The following PGBD2 variants were observed in gnomAD, a reference collection of about 807,000 sequenced individuals.
PGBD2 encodes the protein piggyBac transposable element-derived protein 2.
PGBD2 carries 6 observed loss-of-function variants against 8.1 expected under a neutral mutation model. That is an observed-to-expected ratio of 0.74 (90% CI 0.40 to 1.46). PGBD2 has a LOEUF of 1.46. PGBD2 is among the 40% of genes most tolerant of loss of function. PGBD2 has a pLI of 0.02. For missense variants in PGBD2, 802 were observed against 739.0 expected (o/e 1.09, Z -0.99); for synonymous variants, 318 against 272.2 (o/e 1.17, Z -1.66).
chr1:248,926,922 G>A, the PGBD2 span, among the ~76,000 whole-genome samples: 1 of 152,164 alleles, frequency 6.6e-6, no homozygotes, highest in African/African-American at 2.4e-5. Flanking sequence ...TCACCAGCTG[G>A]TTACTGCTAC....
the PGBD2 span, among the ~76,000 whole-genome samples, chr1:248,892,703 G>T: frequency 6.6e-6 from 1 of 152,134 alleles, no homozygotes; most frequent in African/African-American, 2.4e-5. Context: ...GGAATATCCT[G>T]CCTGATAAAA....
chr1:248,912,630 C>T (rs1661937747), intron 1 of PGBD2: 1 of 151,996 alleles, frequency 6.6e-6, no homozygotes, highest in African/African-American at 2.4e-5. Context: ...CATCCATGTC[C>T]CCACCTCCCA....
At chr1:248,881,243 A>T in the PGBD2 span, among the ~76,000 whole-genome samples, 1 of 152,158 alleles carries the variant, frequency 6.6e-6, no homozygotes, top group East Asian at 1.9e-4. Context: ...ACCATCCAGG[A>T]GTCCCTGTAT....
chr1:248,913,093 C>T lies in PGBD2; in HGVS notation c.-47-723C>T, dbSNP rs1262936066. ...CTGGGATTACAGGTGTGAGCCACCG[C>T]GCCTGGCCAGAGCACTCAGATTTTA... On this transcript the variant is annotated intron_variant, in intron 1 of 2. Coordinates refer to ENST00000329291, the MANE Select transcript of PGBD2 (RefSeq NM_170725.3). Among the ~76,000 whole-genome samples, 8 of 152,136 alleles carry T rather than the reference C, an allele frequency of 5.3e-5. No homozygotes were observed. The East Asian group carries it at 5.8e-4, about 11-fold the overall frequency.
chr1:248,906,439 A>T (rs1661640219), intron 1 of PGBD2, 97 bp downstream of exon 1: 1 of 151,786 alleles, frequency 6.6e-6, no homozygotes, highest in Non-Finnish European at 1.5e-5. Flanking sequence ...GCATCCGAGG[A>T]GTTCGTCCTC....
intron 1 of PGBD2, among the ~76,000 whole-genome samples, chr1:248,908,671 A>G (rs1281349193): frequency 7.0e-6 from 1 of 142,150 alleles, no homozygotes. Context: ...TCCTTCTGTT[A>G]TGCTCTTCCT....
At chr1:248,875,308 C>CAAAAAAAAAAAAAAAAAAAAAAAAA in the PGBD2 span, among the ~76,000 whole-genome samples, 1 of 110,246 alleles carries the variant, frequency 9.1e-6, no homozygotes, top group African/African-American at 3.3e-5. Context: ...AAAAACAAAA[C>CAAAAAAAAAAAAAAAAAAAAAAAAA]AAAAAAAAAA....
At chr1:248,902,879 A>C (rs1320426120), upstream of PGBD2, among the ~76,000 whole-genome samples, 1 of 152,156 alleles carries the variant, frequency 6.6e-6, no homozygotes, top group Admixed American at 6.5e-5. Flanking sequence ...GGGGAGGGAG[A>C]GCATCAGGAA....
chr1:248,899,659 C>A, the PGBD2 span, among the ~76,000 whole-genome samples: 1 of 151,710 alleles, frequency 6.6e-6, no homozygotes, highest in Non-Finnish European at 1.5e-5. Flanking sequence ...CAAGTCAATA[C>A]CCTAACATCA....
At chr1:248,886,350 T>C in the PGBD2 span, among the ~76,000 whole-genome samples, 45 of 152,354 alleles carry the variant, frequency 3.0e-4, no homozygotes, top group East Asian at 8.3e-3. Context: ...AAATGAGTTC[T>C]CACCTCTGGG....
chr1:248,906,845 CTT>C (rs1375062803), intron 1 of PGBD2, among the ~76,000 whole-genome samples: 1 of 152,036 alleles, frequency 6.6e-6, no homozygotes, highest in Non-Finnish European at 1.5e-5. Context: ...CCTTCTTTCT[CTT>C]TTGCTAGTGA....
the PGBD2 span, among the ~76,000 whole-genome samples, chr1:248,880,953 C>G: frequency 3.6e-4 from 55 of 152,030 alleles, no homozygotes; most frequent in African/African-American, 1.2e-3. Context: ...GATGTTATCT[C>G]TGTATAATAT....
downstream of PGBD2, among the ~76,000 whole-genome samples, chr1:248,924,511 A>T (rs925038528): frequency 6.6e-6 from 1 of 152,252 alleles, no homozygotes; most frequent in Admixed American, 6.5e-5. Flanking sequence ...TCATTAAATT[A>T]AAATCACTAA....
At chr1:248,906,590 G>C (rs1661647027) in intron 1 of PGBD2, 1 of 143,874 alleles carries the variant, frequency 7.0e-6, no homozygotes, top group Non-Finnish European at 1.5e-5. Context: ...AGCGGGGTGG[G>C]TGGGGACCAG....
chr1:248,874,466 T>G, the PGBD2 span, among the ~76,000 whole-genome samples: 1 of 152,184 alleles, frequency 6.6e-6, no homozygotes, highest in Non-Finnish European at 1.5e-5. Context: ...TCTACTGCAG[T>G]TTATGCGCGC....
At chr1:248,878,757 C>T in the PGBD2 span, among the ~76,000 whole-genome samples, 2 of 152,160 alleles carry the variant, frequency 1.3e-5, no homozygotes, top group African/African-American at 4.8e-5. Flanking sequence ...TTCCTGGTTA[C>T]TTTCAATTAT....
At chr1:248,904,074 G>GT (rs11389084), upstream of PGBD2, among the ~76,000 whole-genome samples, 28,231 of 148,468 alleles carry the variant, frequency 0.19, 7,796 homozygotes, top group African/African-American at 0.61. Flanking sequence ...TTCTTTTTAT[G>GT]TTTTTTTTTT....
chr1:248,916,589 C>T lies in PGBD2; in HGVS notation c.18-13C>T, dbSNP rs186914836. ...GCATGGCCTCTTCCTGATTCTGTTT[C>T]CTGTCATAACAGAGATGTCATTGCT... On this transcript the variant is annotated splice_polypyrimidine_tract_variant and intron_variant, in intron 2 of 2. Transcript: ENST00000329291. The T allele has an allele frequency of 5.6e-6, 9 of 1,610,950 alleles. No individual in the cohort carries two copies. In the East Asian group the frequency reaches 1.6e-4, roughly 28 times the overall value.
At chr1:248,929,976 C>T in the PGBD2 span, among the ~76,000 whole-genome samples, 4 of 152,160 alleles carry the variant, frequency 2.6e-5, no homozygotes, top group Non-Finnish European at 5.9e-5. Flanking sequence ...ACCAGAGTTT[C>T]GTTGTCCTTA....
Sources: gnomAD v4.1 joint callset for allele counts (sites outside exome capture counted in the v4.1 genomes callset) on GRCh38, gnomAD v4.1.1 for gene constraint, MANE v1.5 for transcripts, NCBI Gene and HGNC (gene_info 2026-07-23, HGNC 2026-07-21) for gene names.